NUBPL: variants seen among roughly 807,000 people sequenced by gnomAD.
The protein encoded by NUBPL is iron-sulfur cluster transfer protein NUBPL.
Under a neutral mutation model 45.7 loss-of-function variants are expected in NUBPL, and 31 were observed. The observed-to-expected ratio is 0.68, with a 90% confidence interval of 0.51 to 0.92. NUBPL has a LOEUF of 0.92. Ranked by LOEUF, NUBPL falls within the 40% of genes least tolerant of loss-of-function variation. The pLI is 0.00. For synonymous variants in NUBPL, 144 were observed against 140.9 expected (o/e 1.02, Z -0.15); for missense variants, 401 against 398.7 (o/e 1.01, Z -0.05).
intron 8 of NUBPL, among the ~76,000 whole-genome samples, chr14:31,842,063 T>A (rs1324967933): frequency 6.6e-6 from 1 of 150,750 alleles, no homozygotes; most frequent in Non-Finnish European, 1.5e-5. Context: ...CCTGAGTAGC[T>A]GGGACTACAG....
intron 7 of NUBPL, among the ~76,000 whole-genome samples, chr14:31,818,447 C>T (rs2138937477): frequency 6.6e-6 from 1 of 152,312 alleles, no homozygotes; most frequent in South Asian, 2.1e-4. Flanking sequence ...TTGTTTTTTT[C>T]TTCTTCATCA....
At chr14:31,790,359 T>A (rs1354956453) in intron 7 of NUBPL, among the ~76,000 whole-genome samples, 5 of 152,252 alleles carry the variant, frequency 3.3e-5, no homozygotes, top group Admixed American at 2.0e-4. Flanking sequence ...CTTTTTCCTT[T>A]CCTCTGATGA....
intron 4 of NUBPL, among the ~76,000 whole-genome samples, chr14:31,629,642 AAT>A (rs2035291912): frequency 6.6e-6 from 1 of 152,164 alleles, no homozygotes; most frequent in South Asian, 2.1e-4. Flanking sequence ...TGCTTTAAAT[AAT>A]ATATAGGAGA....
chr14:31,567,386 C>G (rs1186544060), intron 3 of NUBPL, among the ~76,000 whole-genome samples: 1 of 152,132 alleles, frequency 6.6e-6, no homozygotes, highest in Non-Finnish European at 1.5e-5. Flanking sequence ...TTCTTCTGCT[C>G]ATTGATTATG....
chr14:31,793,829 T>TTTTTA (rs1566564988), intron 7 of NUBPL, among the ~76,000 whole-genome samples: 1 of 990 alleles, frequency 1.0e-3, no homozygotes, highest in Non-Finnish European at 0.014. Context: ...CTTATCTTTC[T>TTTTTA]TTTTTTTTTT....
At chr14:31,718,154 G>A (rs1478593300) in intron 6 of NUBPL, among the ~76,000 whole-genome samples, 2 of 152,114 alleles carry the variant, frequency 1.3e-5, no homozygotes, top group African/African-American at 2.4e-5. Flanking sequence ...TCTTGTCAGA[G>A]AAGAACATTA....
chr14:31,778,040 A>C (rs150429318), intron 6 of NUBPL, among the ~76,000 whole-genome samples: 1 of 152,338 alleles, frequency 6.6e-6, no homozygotes, highest in East Asian at 1.9e-4. Flanking sequence ...AGCAAATCAC[A>C]TCCATGAGTG....
In NUBPL at chr14:31,599,382, A is replaced by T; in HGVS notation, c.382+3A>T. 6.3e-7 allele frequency: 1 copy of T among 1,585,166 alleles called. No homozygotes were observed. The highest frequency in any genetic ancestry group is 1.3e-5 in the African/African-American group (1 of 74,452). On this transcript the variant is annotated splice_donor_region_variant and intron_variant, in intron 4 of 10. Coordinates refer to ENST00000281081, the MANE Select transcript of NUBPL (RefSeq NM_025152.3). ...AGGAAATCCGGAATTATCACAGAGTAAGTAAAGAAGGGATAAATATTATAA... is the reference window on the plus strand; with the variant it reads ...AGGAAATCCGGAATTATCACAGAGTTAGTAAAGAAGGGATAAATATTATAA...
chr14:31,627,332 T>C (rs1466579542), intron 4 of NUBPL, among the ~76,000 whole-genome samples: 1 of 152,148 alleles, frequency 6.6e-6, no homozygotes, highest in East Asian at 1.9e-4. Flanking sequence ...TAATGATTTT[T>C]ATTTGCTCAG....
chr14:31,622,011 T>G (rs1179897938), intron 4 of NUBPL, among the ~76,000 whole-genome samples: 1 of 152,192 alleles, frequency 6.6e-6, no homozygotes, highest in Non-Finnish European at 1.5e-5. Context: ...AAGATGCTGA[T>G]AGTGATATGC....
intron 4 of NUBPL, among the ~76,000 whole-genome samples, chr14:31,640,153 G>T (rs1298815214): frequency 6.6e-6 from 1 of 152,194 alleles, no homozygotes; most frequent in Non-Finnish European, 1.5e-5. Context: ...AGATGGAAAT[G>T]CAGAAATCAC....
chr14:31,669,025 G>T (rs544710985), intron 4 of NUBPL, among the ~76,000 whole-genome samples: 1 of 152,190 alleles, frequency 6.6e-6, no homozygotes, highest in African/African-American at 2.4e-5. Flanking sequence ...ATTTTAAAAT[G>T]ATTTTATTTA....
In NUBPL at chr14:31,616,901, A is replaced by G. The variant is rs540547633; in HGVS notation, c.382+17522A>G. On this transcript the variant is annotated intron_variant, in intron 4 of 10. Transcript: ENST00000281081. ...TTCACAATATTGAGTCTTCCTATCC[A>G]TGAGCATGGAATTTTTTTTTCCATT... Among the ~76,000 whole-genome samples the G allele has an allele frequency of 5.3e-5, 8 of 152,254 alleles. No individual in the cohort carries two copies. In the East Asian group the frequency reaches 1.3e-3, roughly 26 times the overall value.
At chr14:31,765,972 C>G (rs2038905291) in intron 6 of NUBPL, among the ~76,000 whole-genome samples, 1 of 152,102 alleles carries the variant, frequency 6.6e-6, no homozygotes, top group African/African-American at 2.4e-5. Context: ...AGGTAAAACT[C>G]ACTAGTTTAA....
intron 6 of NUBPL, among the ~76,000 whole-genome samples, chr14:31,770,055 T>C (rs1207360704): frequency 6.6e-6 from 1 of 152,232 alleles, no homozygotes; most frequent in East Asian, 1.9e-4. Context: ...TGCTTGTTTT[T>C]TTTAATAGTA....
intron 4 of NUBPL, among the ~76,000 whole-genome samples, chr14:31,614,674 CATT>C (rs889104154): frequency 1.3e-5 from 2 of 152,094 alleles, no homozygotes; most frequent in African/African-American, 4.8e-5. Flanking sequence ...TTAAAGGAGA[CATT>C]ATTTCTGTTT....
At chr14:31,684,744 C>T (rs2036914479) in intron 6 of NUBPL, among the ~76,000 whole-genome samples, 1 of 152,072 alleles carries the variant, frequency 6.6e-6, no homozygotes. Flanking sequence ...TTTAGTGCTA[C>T]ACAAAATAAT....
At chr14:31,693,947 C>T (rs753997164) in intron 6 of NUBPL, among the ~76,000 whole-genome samples, 1 of 150,718 alleles carries the variant, frequency 6.6e-6, no homozygotes, top group Non-Finnish European at 1.5e-5. Context: ...GCTCCGCCTC[C>T]TGGGTTCACA....
intron 4 of NUBPL, among the ~76,000 whole-genome samples, chr14:31,600,577 T>C (rs1409584513): frequency 1.3e-5 from 2 of 152,198 alleles, no homozygotes; most frequent in Non-Finnish European, 2.9e-5. Flanking sequence ...CAAAATGATG[T>C]TGAAAGAAAG....
Sources: allele counts gnomAD v4.1 joint callset (sites outside exome capture counted in the v4.1 genomes callset), GRCh38; gene constraint gnomAD v4.1.1; transcripts MANE v1.5; gene names NCBI Gene and HGNC (gene_info 2026-07-23, HGNC 2026-07-21).